Variants in MKNK1 observed in about 807,000 individuals in gnomAD.
MKNK1 encodes the protein MAP kinase-interacting serine/threonine-protein kinase 1.
MKNK1 carries 30 observed loss-of-function variants against 49.3 expected under a neutral mutation model. The ratio of observed to expected loss-of-function variants is 0.61; its 90% CI spans 0.46 to 0.83. MKNK1 has a LOEUF of 0.83. Among genes scored for constraint, MKNK1 ranks in the 40% least tolerant of loss-of-function variants. MKNK1 has a pLI of 0.00. For missense variants in MKNK1, 423 were observed against 524.7 expected (o/e 0.81, Z 1.89); for synonymous variants, 176 against 201.7 (o/e 0.87, Z 1.08).
chr1:46,577,413 G>A (rs561446411), intron 4 of MKNK1, among the ~76,000 whole-genome samples: 4 of 152,172 alleles, frequency 2.6e-5, no homozygotes, highest in Non-Finnish European at 5.9e-5. Flanking sequence ...CTGGGGAGGC[G>A]GAGGTTGCAG....
At chr1:46,568,386 A>G in intron 8 of MKNK1, 57 bp downstream of exon 8, 1 of 1,554,754 alleles carries the variant, frequency 6.4e-7, no homozygotes, top group Admixed American at 1.7e-5. Context: ...TCCTGAAAGC[A>G]AGGGTGGCTT....
At chr1:46,564,044 CAAAAAAA>C (rs1217205121) in intron 9 of MKNK1, among the ~76,000 whole-genome samples, 4 of 39,086 alleles carry the variant, frequency 1.0e-4, no homozygotes, top group East Asian at 9.5e-4. Context: ...GACTCTGTCT[CAAAAAAA>C]AAAAAAAAAA....
At chr1:46,584,055 T>C (rs937829444) in intron 2 of MKNK1, among the ~76,000 whole-genome samples, 11 of 152,182 alleles carry the variant, frequency 7.2e-5, no homozygotes, top group African/African-American at 2.7e-4. Flanking sequence ...TTATCTTTCA[T>C]TGGCAAGCAC....
intron 6 of MKNK1, 48 bp from the exon 7 acceptor site, chr1:46,572,215 A>G: frequency 6.5e-7 from 1 of 1,531,310 alleles, no homozygotes; most frequent in East Asian, 2.3e-5. Flanking sequence ...GGCTCTAGTA[A>G]GTATAAGTTT....
chr1:46,585,017 G>A (rs557084767), intron 2 of MKNK1, among the ~76,000 whole-genome samples: 3 of 151,860 alleles, frequency 2.0e-5, no homozygotes, highest in Non-Finnish European at 2.9e-5. Flanking sequence ...TTGGGATGCC[G>A]AGGTAGGCAG....
chr1:46,567,732 C>T (rs1669319019), intron 8 of MKNK1, among the ~76,000 whole-genome samples: 1 of 152,138 alleles, frequency 6.6e-6, no homozygotes, highest in South Asian at 2.1e-4. Context: ...GAACGTGGGC[C>T]CCAACACCAC....
chr1:46,599,261 G>A (rs1443470986), intron 1 of MKNK1, among the ~76,000 whole-genome samples: 1 of 152,176 alleles, frequency 6.6e-6, no homozygotes, highest in Non-Finnish European at 1.5e-5. Context: ...TGCACTCCAA[G>A]TTAGTGCTCT....
chr1:46,596,756 C>T (rs1313431232), intron 1 of MKNK1, among the ~76,000 whole-genome samples: 1 of 152,188 alleles, frequency 6.6e-6, no homozygotes, highest in African/African-American at 2.4e-5. Context: ...ACAGTAGGCA[C>T]TCAATAGTAA....
intron 5 of MKNK1, chr1:46,575,653 T>C (rs1294761183): frequency 6.6e-6 from 1 of 152,232 alleles, no homozygotes; most frequent in African/African-American, 2.4e-5. Context: ...TGTAACTCAG[T>C]AGGGAAGCCA....
intron 7 of MKNK1, among the ~76,000 whole-genome samples, chr1:46,571,198 C>T (rs565288836): frequency 2.6e-5 from 4 of 152,194 alleles, no homozygotes; most frequent in African/African-American, 9.6e-5. Flanking sequence ...ATACTAGTAA[C>T]CTGTGAGTTA....
chr1:46,577,950 T>A (rs1345364563), intron 4 of MKNK1, among the ~76,000 whole-genome samples: 1 of 152,240 alleles, frequency 6.6e-6, no homozygotes, highest in Non-Finnish European at 1.5e-5. Context: ...ACTTCTCCGA[T>A]ATGATGTGGC....
Position 46,572,060 on chromosome 1 carries a change from C to A in MKNK1, c.457+3G>T, listed in dbSNP as rs775456900. The A allele has an allele frequency of 6.2e-7, 1 of 1,613,840 alleles. No individual in the cohort carries two copies. The highest frequency in any genetic ancestry group is 1.7e-5 in the Admixed American group (1 of 60,018). ...CACCCACCAAGGCAAAGGCTGGGTT[C>A]ACCTTTGGTATGCAGGAAGTCAAGG... On this transcript the variant is annotated splice_donor_region_variant and intron_variant, in intron 7 of 12. Coordinates refer to ENST00000371945, the MANE Select transcript of MKNK1 (RefSeq NM_001135553.4).
chr1:46,575,313 C>T, intron 5 of MKNK1: 1 of 275,202 alleles, frequency 3.6e-6, no homozygotes, highest in South Asian at 8.0e-5. Context: ...AAGTCCCGGT[C>T]ACATTAAACT....
At chr1:46,595,836 C>T (rs946515604) in intron 1 of MKNK1, among the ~76,000 whole-genome samples, 1 of 152,216 alleles carries the variant, frequency 6.6e-6, no homozygotes, top group Non-Finnish European at 1.5e-5. Context: ...ACTGCAGCCT[C>T]CACCTGCCAG....
Position 46,574,937 on chromosome 1 carries a change from C to T in MKNK1, c.352+10G>A, listed in dbSNP as rs576793464. Reference sequence around the variant, plus strand: ...ATCAGAAGTCCACACACATACTCAACGGTAAGTACCTCCTTGCAATTTCTC... The same window carrying T: ...ATCAGAAGTCCACACACATACTCAATGGTAAGTACCTCCTTGCAATTTCTC... On this transcript the variant is annotated intron_variant, in intron 6 of 12. Transcript: ENST00000371945. The T allele has an allele frequency of 2.4e-5, 39 of 1,594,564 alleles. No individual in the cohort carries two copies. The highest frequency in any genetic ancestry group is 4.0e-5 in the African/African-American group (3 of 74,558).
intron 3 of MKNK1, among the ~76,000 whole-genome samples, chr1:46,581,119 C>T (rs1671668766): frequency 6.6e-6 from 1 of 152,002 alleles, no homozygotes; most frequent in South Asian, 2.1e-4. Context: ...AAGACAGACA[C>T]ATACACAGGT....
At chr1:46,586,895 C>A (rs1211315158) in intron 2 of MKNK1, among the ~76,000 whole-genome samples, 1 of 152,192 alleles carries the variant, frequency 6.6e-6, no homozygotes, top group East Asian at 1.9e-4. Context: ...ACAACCTCTG[C>A]CTCCCGGGTT....
intron 8 of MKNK1, among the ~76,000 whole-genome samples, chr1:46,566,177 C>G (rs1052273954): frequency 6.6e-6 from 1 of 152,232 alleles, no homozygotes; most frequent in African/African-American, 2.4e-5. Context: ...TCCAATCTGA[C>G]TTTATTAATT....
intron 1 of MKNK1, among the ~76,000 whole-genome samples, chr1:46,596,954 C>T (rs1456029749): frequency 6.6e-6 from 1 of 152,164 alleles, no homozygotes; most frequent in African/African-American, 2.4e-5. Flanking sequence ...AGCCCTAATT[C>T]CTTCTGGCAC....
Sources: gnomAD v4.1 joint callset for allele counts (sites outside exome capture counted in the v4.1 genomes callset) on GRCh38, gnomAD v4.1.1 for gene constraint, MANE v1.5 for transcripts, NCBI Gene and HGNC (gene_info 2026-07-23, HGNC 2026-07-21) for gene names.